The following LINGO2 variants were observed in gnomAD, a reference collection of about 807,000 sequenced individuals.
LINGO2 encodes the protein leucine rich repeat and Ig domain containing 2.
A neutral mutation model predicts 30.6 loss-of-function variants in LINGO2; 14 were observed. That is an observed-to-expected ratio of 0.46 (90% CI 0.30 to 0.72). The LOEUF (loss-of-function observed/expected upper bound fraction) is 0.72, where lower values mean the gene tolerates loss of function less well. Ranked by LOEUF, LINGO2 falls within the 30% of genes least tolerant of loss-of-function variation. The pLI, the probability that LINGO2 is intolerant of heterozygous loss-of-function variation, is 0.07. For synonymous variants in LINGO2, 317 were observed against 288.5 expected, an observed-to-expected ratio of 1.10 and a Z score of -1.00; for missense variants, 729 against 751.7, an observed-to-expected ratio of 0.97 and a Z score of 0.35.
intron 1 of LINGO2, among the ~76,000 whole-genome samples, chr9:28,564,447 C>A (rs1293891182): frequency 6.6e-6 from 1 of 152,030 alleles, no homozygotes; most frequent in South Asian, 2.1e-4. Context: ...ACCAACCCTA[C>A]CTCTATCTTA....
At chr9:28,068,894 C>A (rs1025953343) in intron 4 of LINGO2, among the ~76,000 whole-genome samples, 6 of 152,124 alleles carry the variant, frequency 3.9e-5, no homozygotes, top group African/African-American at 1.4e-4. Context: ...ATACCATGTG[C>A]TTACTATAAT....
chr9:28,262,336 C>T (rs1389765331), intron 4 of LINGO2, among the ~76,000 whole-genome samples: 5 of 151,498 alleles, frequency 3.3e-5, no homozygotes, highest in Non-Finnish European at 5.9e-5. Context: ...TTAAAAATTA[C>T]AAAAGATCTA....
At position 28,066,929 on chromosome 9, in the gene LINGO2, C is replaced by T. The variant is rs550701034; in HGVS notation, c.-86-54524G>A. ...TTTCTTCTTAACTTCTACTGTGTGCCTAGTTACAGGCTATATTCAAAAGCC... is the reference window on the plus strand; with the variant it reads ...TTTCTTCTTAACTTCTACTGTGTGCTTAGTTACAGGCTATATTCAAAAGCC... On this transcript the variant is annotated intron_variant, in intron 4 of 5. Transcript: ENST00000379992. Among the ~76,000 whole-genome samples the T allele has an allele frequency of 5.9e-5, 9 of 152,068 alleles. No homozygotes were observed. In the South Asian group the frequency reaches 1.9e-3, roughly 32 times the overall value.
At chr9:28,145,842 A>G (rs1051509849) in intron 4 of LINGO2, among the ~76,000 whole-genome samples, 8 of 152,106 alleles carry the variant, frequency 5.3e-5, no homozygotes, top group Non-Finnish European at 7.3e-5. Context: ...CTAATTGATA[A>G]TCTTACCCAG....
At chr9:28,092,525 A>G (rs1048867860) in intron 4 of LINGO2, among the ~76,000 whole-genome samples, 4 of 135,580 alleles carry the variant, frequency 3.0e-5, no homozygotes, top group Admixed American at 7.8e-5. Flanking sequence ...AAAGAGGAAC[A>G]TCACACACCA....
intron 1 of LINGO2, among the ~76,000 whole-genome samples, chr9:28,564,053 G>A (rs975244825): frequency 3.3e-5 from 5 of 152,122 alleles, no homozygotes; most frequent in Non-Finnish European, 1.5e-5. Flanking sequence ...ATGACAAATA[G>A]ATGCTTTATG....
At chr9:28,010,641 A>G (rs1301924447) in intron 5 of LINGO2, among the ~76,000 whole-genome samples, 1 of 152,190 alleles carries the variant, frequency 6.6e-6, no homozygotes, top group Non-Finnish European at 1.5e-5. Context: ...AGCATTCCCT[A>G]GAAATACTGT....
chr9:28,075,707 G>A (rs1440256952), intron 4 of LINGO2, among the ~76,000 whole-genome samples: 2 of 151,898 alleles, frequency 1.3e-5, no homozygotes, highest in African/African-American at 4.8e-5. Flanking sequence ...TCTAGTCTAT[G>A]CACTGCCAGT....
chr9:29,006,694 G>C, the LINGO2 span, among the ~76,000 whole-genome samples: 19 of 152,056 alleles, frequency 1.2e-4, no homozygotes, highest in South Asian at 3.9e-3. Context: ...AGTAAACACG[G>C]GTTTCCTTAA....
chr9:28,472,090 G>T (rs1825542525), intron 2 of LINGO2, among the ~76,000 whole-genome samples: 1 of 151,988 alleles, frequency 6.6e-6, no homozygotes, highest in Non-Finnish European at 1.5e-5. Context: ...CCCTTTCAAT[G>T]GTGTTCATTA....
chr9:28,700,268 G>A, the LINGO2 span, among the ~76,000 whole-genome samples: 1 of 152,042 alleles, frequency 6.6e-6, no homozygotes, highest in East Asian at 1.9e-4. Context: ...ACTGGGGGCA[G>A]GTTCCCCCGA....
intron 4 of LINGO2, among the ~76,000 whole-genome samples, chr9:28,127,630 G>A (rs1827275115): frequency 1.3e-5 from 2 of 152,196 alleles, no homozygotes; most frequent in South Asian, 4.1e-4. Flanking sequence ...AGCCTAACAA[G>A]TGGCAAAATG....
At chr9:28,716,209 G>C in the LINGO2 span, among the ~76,000 whole-genome samples, 2 of 150,734 alleles carry the variant, frequency 1.3e-5, no homozygotes, top group African/African-American at 2.4e-5. Flanking sequence ...CAATGCGATG[G>C]CTCCTTCCAC....
chr9:28,750,799 T>C, the LINGO2 span, among the ~76,000 whole-genome samples: 7,652 of 152,114 alleles, frequency 0.05, 682 homozygotes, highest in African/African-American at 0.17. Context: ...GTAATAGTAT[T>C]TGGCACATAC....
chr9:28,835,506 C>A, the LINGO2 span, among the ~76,000 whole-genome samples: 1 of 152,108 alleles, frequency 6.6e-6, no homozygotes, highest in African/African-American at 2.4e-5. Context: ...CCTTCCAGAA[C>A]AACACTTTAG....
chr9:28,069,585 C>T (rs1377051), intron 4 of LINGO2, among the ~76,000 whole-genome samples: 1,735 of 152,220 alleles, frequency 0.011, 28 homozygotes, highest in African/African-American at 0.039. Flanking sequence ...ATATTCCTTC[C>T]GAATGCCTTT....
At chr9:28,854,087 G>A in the LINGO2 span, among the ~76,000 whole-genome samples, 1 of 151,890 alleles carries the variant, frequency 6.6e-6, no homozygotes, top group Admixed American at 6.6e-5. Context: ...ACAACTTGAG[G>A]GGAGGTACTA....
intron 4 of LINGO2, among the ~76,000 whole-genome samples, chr9:28,265,182 C>T (rs1822703995): frequency 6.6e-6 from 1 of 151,918 alleles, no homozygotes; most frequent in Admixed American, 6.6e-5. Flanking sequence ...CACACACACA[C>T]ACACACGCAC....
chr9:29,187,614 T>G, the LINGO2 span, among the ~76,000 whole-genome samples: 1 of 152,200 alleles, frequency 6.6e-6, no homozygotes, highest in Non-Finnish European at 1.5e-5. Context: ...ACTATAACTT[T>G]GCATTATATT....
Sources: allele counts gnomAD v4.1 joint callset (sites outside exome capture counted in the v4.1 genomes callset), GRCh38; gene constraint gnomAD v4.1.1; transcripts MANE v1.5; gene names NCBI Gene and HGNC (gene_info 2026-07-23, HGNC 2026-07-21).